SHC3: variants seen among roughly 807,000 people sequenced by gnomAD.
The protein encoded by SHC3 is SHC adaptor protein 3, also known as SHC-transforming protein 3.
A neutral mutation model predicts 60.4 loss-of-function variants in SHC3; 15 were observed. That is an observed-to-expected ratio of 0.25 (90% CI 0.17 to 0.38). SHC3 has a LOEUF of 0.38. Among genes scored for constraint, SHC3 ranks in the 10% least tolerant of loss-of-function variants. SHC3 has a pLI of 1.00. For synonymous variants in SHC3, 294 were observed against 325.9 expected, an observed-to-expected ratio of 0.90 and a Z score of 1.05; for missense variants, 677 against 786.1, an observed-to-expected ratio of 0.86 and a Z score of 1.66.
chr9:89,118,077 C>A (rs1826041617), intron 1 of SHC3, among the ~76,000 whole-genome samples: 1 of 152,002 alleles, frequency 6.6e-6, no homozygotes, highest in African/African-American at 2.4e-5. Context: ...TTCCTTACCC[C>A]TCAAAAATGA....
At chr9:89,118,667 T>C (rs1587737106) in intron 1 of SHC3, among the ~76,000 whole-genome samples, 1 of 146,898 alleles carries the variant, frequency 6.8e-6, no homozygotes, top group Non-Finnish European at 1.5e-5. Flanking sequence ...AGGAAGGAGG[T>C]GTGGAATGTT....
In SHC3 at chr9:89,140,454, G is replaced by A. The variant is rs117301652; in HGVS notation, c.475-27828C>T. ...TGGCGGTGGTGGTGGGTGGGGGGGC[G>A]CATCTCCATACTTCCTAGGTGGCCA... is the stretch of plus-strand genomic sequence containing the variant. On this transcript the variant is annotated intron_variant, in intron 1 of 11. Transcript: ENST00000375835. Among the ~76,000 whole-genome samples, 494 of 152,112 alleles carry A rather than the reference G, an allele frequency of 3.2e-3. 4 individuals are homozygous for A. The highest frequency in any genetic ancestry group is 0.019 in the South Asian group (89 of 4,810).
chr9:89,062,830 C>T (rs182057102), intron 6 of SHC3, among the ~76,000 whole-genome samples: 1 of 152,302 alleles, frequency 6.6e-6, no homozygotes, highest in East Asian at 1.9e-4. Flanking sequence ...AACCCCTGTA[C>T]ATGGCATAGG....
At chr9:89,162,689 A>ACGGC (rs1826727142) in intron 1 of SHC3, among the ~76,000 whole-genome samples, 1 of 150,492 alleles carries the variant, frequency 6.6e-6, no homozygotes, top group Non-Finnish European at 1.5e-5. Flanking sequence ...ATGGTCAAGG[A>ACGGC]CTTCATGTCT....
intron 1 of SHC3, among the ~76,000 whole-genome samples, chr9:89,172,334 A>G (rs1367000445): frequency 6.6e-6 from 1 of 152,216 alleles, no homozygotes; most frequent in African/African-American, 2.4e-5. Context: ...GTGGACCCTC[A>G]GTGGATCCTT....
At chr9:89,120,763 C>T (rs73654734) in intron 1 of SHC3, among the ~76,000 whole-genome samples, 54 of 151,942 alleles carry the variant, frequency 3.6e-4, no homozygotes, top group African/African-American at 1.3e-3. Context: ...GCCATAATTC[C>T]GAGAGATAAA....
chr9:89,137,288 T>C (rs1253113734), intron 1 of SHC3, among the ~76,000 whole-genome samples: 1 of 152,180 alleles, frequency 6.6e-6, no homozygotes, highest in Non-Finnish European at 1.5e-5. Context: ...GGCTAAGGGC[T>C]CAGCAACAGT....
intron 11 of SHC3, among the ~76,000 whole-genome samples, chr9:89,026,496 C>A (rs567620462): frequency 2.0e-5 from 3 of 152,114 alleles, no homozygotes; most frequent in Non-Finnish European, 2.9e-5. Flanking sequence ...CACATTGTCC[C>A]GCCTTTCTAG....
At chr9:89,148,737 T>G (rs1374705900) in intron 1 of SHC3, among the ~76,000 whole-genome samples, 1 of 152,222 alleles carries the variant, frequency 6.6e-6, no homozygotes, top group Non-Finnish European at 1.5e-5. Context: ...CATTCAACAT[T>G]GATTAACTGT....
chr9:89,040,270 GCACCATCATCAC>G (rs1824667108), intron 10 of SHC3, among the ~76,000 whole-genome samples: 1 of 4,168 alleles, frequency 2.4e-4, no homozygotes, highest in African/African-American at 7.8e-4. Flanking sequence ...ATCAGCAGCA[GCACCATCATCAC>G]CACCATCATC....
At chr9:89,028,490 TAG>T (rs1824408585) in intron 11 of SHC3, among the ~76,000 whole-genome samples, 1 of 19,618 alleles carries the variant, frequency 5.1e-5, no homozygotes, top group African/African-American at 2.8e-4. Flanking sequence ...TATATCTATA[TAG>T]ATATAGATTA....
chr9:89,145,399 G>A (rs1253637265), intron 1 of SHC3, among the ~76,000 whole-genome samples: 1 of 152,204 alleles, frequency 6.6e-6, no homozygotes, highest in Non-Finnish European at 1.5e-5. Context: ...TTCGCTTAAA[G>A]TAATCAAGAC....
chr9:89,104,679 C>T (rs1825830872), intron 2 of SHC3, among the ~76,000 whole-genome samples: 1 of 152,168 alleles, frequency 6.6e-6, no homozygotes, highest in African/African-American at 2.4e-5. Flanking sequence ...CCACCTTGAG[C>T]TAGGTAGCAG....
intron 1 of SHC3, among the ~76,000 whole-genome samples, chr9:89,176,815 T>C (rs1284493767): frequency 5.9e-5 from 9 of 152,246 alleles, no homozygotes; most frequent in Admixed American, 5.9e-4. Context: ...CTGTAAGTAC[T>C]TTTTATATAG....
At chr9:89,128,156 C>T (rs555534885) in intron 1 of SHC3, among the ~76,000 whole-genome samples, 4 of 151,960 alleles carry the variant, frequency 2.6e-5, no homozygotes, top group African/African-American at 9.6e-5. Flanking sequence ...AATATAATGC[C>T]TTTTGGTTCA....
intron 2 of SHC3, among the ~76,000 whole-genome samples, chr9:89,091,034 C>T (rs868089708): frequency 6.6e-6 from 1 of 152,138 alleles, no homozygotes; most frequent in African/African-American, 2.4e-5. Context: ...AAGATCTGAA[C>T]ACATGAAAAC....
chr9:89,086,468 T>C (rs1030810455), intron 2 of SHC3, among the ~76,000 whole-genome samples: 1 of 152,140 alleles, frequency 6.6e-6, no homozygotes, highest in Non-Finnish European at 1.5e-5. Flanking sequence ...TAGGATGAAG[T>C]ATGGGGGAAG....
intron 1 of SHC3, among the ~76,000 whole-genome samples, chr9:89,123,098 T>C (rs969297641): frequency 2.0e-5 from 3 of 152,158 alleles, no homozygotes; most frequent in Non-Finnish European, 4.4e-5. Flanking sequence ...CTTTTCCCTA[T>C]TGCACATGCA....
intron 6 of SHC3, among the ~76,000 whole-genome samples, chr9:89,060,081 G>A (rs1825056783): frequency 6.7e-6 from 1 of 149,010 alleles, no homozygotes; most frequent in Non-Finnish European, 1.5e-5. Flanking sequence ...AGCAGAGGAT[G>A]ATGGTGTTAG....
Sources: allele counts gnomAD v4.1 joint callset (sites outside exome capture counted in the v4.1 genomes callset), GRCh38; gene constraint gnomAD v4.1.1; transcripts MANE v1.5; gene names NCBI Gene and HGNC (gene_info 2026-07-23, HGNC 2026-07-21).